TLK1: variants seen among roughly 807,000 people sequenced by gnomAD.
The protein encoded by TLK1 is tousled like kinase 1.
In TLK1, 24 loss-of-function variants were observed where a neutral mutation model predicts 105.3. The ratio of observed to expected loss-of-function variants is 0.23; its 90% CI spans 0.17 to 0.32. The LOEUF (loss-of-function observed/expected upper bound fraction) is 0.32. TLK1 is among the 10% of genes least tolerant of loss of function. TLK1 has a pLI of 1.00. For synonymous variants in TLK1, 321 were observed against 310.4 expected, an observed-to-expected ratio of 1.03 and a Z score of -0.36; for missense variants, 558 against 910.5, an observed-to-expected ratio of 0.61 and a Z score of 4.98.
intron 2 of TLK1, among the ~76,000 whole-genome samples, chr2:171,097,167 G>A (rs746506111): frequency 7.9e-5 from 12 of 152,114 alleles, no homozygotes; most frequent in Middle Eastern, 3.2e-3. Flanking sequence ...GCCCAGAAAC[G>A]AATCCACACA....
At chr2:171,139,635 G>T (rs964312740) in intron 1 of TLK1, among the ~76,000 whole-genome samples, 16 of 151,896 alleles carry the variant, frequency 1.1e-4, no homozygotes, top group African/African-American at 1.7e-4. Flanking sequence ...ACAAAAACCG[G>T]TTATCTTCAA....
At chr2:171,222,980 A>C (rs1300619493) in intron 1 of TLK1, among the ~76,000 whole-genome samples, 1 of 151,914 alleles carries the variant, frequency 6.6e-6, no homozygotes, top group Non-Finnish European at 1.5e-5. Context: ...ACGCCCAACT[A>C]ATTTTTGTAT....
At chr2:170,996,550 G>GCGAGTCTTGTGACTT in intron 20 of TLK1, 103 bp downstream of exon 20, 1 of 857,326 alleles carries the variant, frequency 1.2e-6, no homozygotes, top group South Asian at 1.8e-5. Context: ...CCCTGCAGCA[G>GCGAGTCTTGTGACTT]CGAGTCTTGT....
At chr2:171,063,166 T>G (rs1687834506) in intron 3 of TLK1, among the ~76,000 whole-genome samples, 1 of 152,054 alleles carries the variant, frequency 6.6e-6, no homozygotes, top group Non-Finnish European at 1.5e-5. Context: ...GCCAACATGG[T>G]GAAACCCTGA....
rs148552484 is a variant in TLK1, at chr2:171,010,204, C to A, written c.1416+1169G>T. Among the ~76,000 whole-genome samples, 61 of 152,052 alleles carry A rather than the reference C, an allele frequency of 4.0e-4. 1 individual carries two copies. The East Asian group carries it at 0.01, about 26-fold the overall frequency. On this transcript the variant is annotated intron_variant, in intron 14 of 20. Transcript: ENST00000431350. ...TTAATGACATTAATAATAGCAGGAA[C>A]TAGGGGCTTATAATATGTGAGGGGA...
chr2:171,003,331 A>G (rs1041594074), intron 18 of TLK1, among the ~76,000 whole-genome samples: 8 of 149,682 alleles, frequency 5.3e-5, no homozygotes, highest in African/African-American at 1.5e-4. Flanking sequence ...TCCTGCTGAC[A>G]TAGCTGCAGT....
At chr2:171,151,800 A>G (rs1462066846) in intron 1 of TLK1, among the ~76,000 whole-genome samples, 1 of 150,902 alleles carries the variant, frequency 6.6e-6, no homozygotes, top group Non-Finnish European at 1.5e-5. Flanking sequence ...TAAATGAAAT[A>G]AGTATCTTTA....
chr2:171,229,569 C>G (rs908361690), intron 1 of TLK1, among the ~76,000 whole-genome samples: 5 of 152,128 alleles, frequency 3.3e-5, no homozygotes, highest in African/African-American at 9.7e-5. Flanking sequence ...TTTGGTTGAC[C>G]CTGATGAGCT....
upstream of TLK1, among the ~76,000 whole-genome samples, chr2:171,164,397 A>G (rs1692569321): frequency 6.6e-6 from 1 of 152,200 alleles, no homozygotes; most frequent in African/African-American, 2.4e-5. Flanking sequence ...TGCATCAAAA[A>G]CACTGGAAGT....
chr2:171,230,311 T>C (rs1048647824), intron 1 of TLK1, among the ~76,000 whole-genome samples: 1 of 152,224 alleles, frequency 6.6e-6, no homozygotes, highest in African/African-American at 2.4e-5. Flanking sequence ...CCAAAAGCTA[T>C]GTAGCTCCAG....
At position 171,055,175 on chromosome 2, in the gene TLK1, A is replaced by G; in HGVS notation, c.550-3T>C. The G allele has an allele frequency of 2.8e-6, 4 of 1,453,934 alleles. No homozygotes were observed. The highest frequency in any genetic ancestry group is 1.8e-6 in the Non-Finnish European group (2 of 1,104,762). 90.1% of individuals were successfully genotyped at this position (1,453,934 alleles called of 1,614,324 possible). A position where few individuals can be genotyped will look rare whatever the true frequency, so the allele number is the denominator to read the frequency against. ...GGAGAAGGGCTATTCGGTCGAACCT[A>G]AAGAAATTATTAAAATTTTTATATT... On this transcript the variant is annotated splice_region_variant and splice_polypyrimidine_tract_variant and intron_variant, in intron 6 of 20. Coordinates refer to ENST00000431350, the MANE Select transcript of TLK1 (RefSeq NM_012290.5).
chr2:171,170,792 T>C (rs934315205), intron 1 of TLK1, among the ~76,000 whole-genome samples: 1 of 152,186 alleles, frequency 6.6e-6, no homozygotes, highest in Non-Finnish European at 1.5e-5. Context: ...ATTAACACAA[T>C]GGACAAATGT....
chr2:171,020,868 T>C (rs1051013274), intron 12 of TLK1, among the ~76,000 whole-genome samples: 2 of 152,110 alleles, frequency 1.3e-5, no homozygotes, highest in African/African-American at 4.8e-5. Flanking sequence ...ATAAAAATCA[T>C]TAAATATTGG....
At chr2:171,080,817 C>T (rs1379067746) in intron 3 of TLK1, among the ~76,000 whole-genome samples, 1 of 151,720 alleles carries the variant, frequency 6.6e-6, no homozygotes, top group Non-Finnish European at 1.5e-5. Flanking sequence ...AAGTTACTGT[C>T]CCACCTCAGC....
At chr2:171,201,289 A>G (rs925919822) in intron 1 of TLK1, among the ~76,000 whole-genome samples, 1 of 152,174 alleles carries the variant, frequency 6.6e-6, no homozygotes, top group African/African-American at 2.4e-5. Flanking sequence ...CATTTTATCA[A>G]TGCTTGTTAA....
intron 1 of TLK1, among the ~76,000 whole-genome samples, chr2:171,203,913 G>C (rs141743229): frequency 6.6e-6 from 1 of 152,062 alleles, no homozygotes; most frequent in Non-Finnish European, 1.5e-5. Flanking sequence ...TTTGCCGGGC[G>C]TGGTGGCGCA....
At chr2:171,156,469 A>G (rs1198146820) in intron 1 of TLK1, among the ~76,000 whole-genome samples, 2 of 152,270 alleles carry the variant, frequency 1.3e-5, no homozygotes, top group Non-Finnish European at 2.9e-5. Flanking sequence ...GGGGTCCTCA[A>G]TAATTGTTAA....
At chr2:171,029,056 A>AT (rs1240283852) in intron 11 of TLK1, among the ~76,000 whole-genome samples, 1 of 152,206 alleles carries the variant, frequency 6.6e-6, no homozygotes, top group Non-Finnish European at 1.5e-5. Context: ...GTCTTGGCAT[A>AT]TAAATAGAAG....
chr2:171,065,118 G>T (rs1303737881), intron 3 of TLK1, among the ~76,000 whole-genome samples: 1 of 152,072 alleles, frequency 6.6e-6, no homozygotes, highest in Non-Finnish European at 1.5e-5. Flanking sequence ...ATGAGGGACA[G>T]AAATCAATAT....
Sources: allele counts gnomAD v4.1 joint callset (sites outside exome capture counted in the v4.1 genomes callset), GRCh38; gene constraint gnomAD v4.1.1; transcripts MANE v1.5; gene names NCBI Gene and HGNC (gene_info 2026-07-23, HGNC 2026-07-21).